HS6ST3: variants seen among roughly 807,000 people sequenced by gnomAD.
HS6ST3 encodes the protein heparan-sulfate 6-O-sulfotransferase 3.
A neutral mutation model predicts 36.7 loss-of-function variants in HS6ST3; 12 were observed. That is an observed-to-expected ratio of 0.33 (90% confidence interval 0.21 to 0.53). HS6ST3 has a LOEUF of 0.53. HS6ST3 is among the 20% of genes least tolerant of loss of function. HS6ST3 has a pLI of 0.95. For missense variants in HS6ST3, 584 were observed against 640.9 expected (o/e 0.91, Z 0.96); for synonymous variants, 240 against 257.5 (o/e 0.93, Z 0.65).
At chr13:96,316,248 T>C (rs2054968769) in intron 1 of HS6ST3, among the ~76,000 whole-genome samples, 1 of 145,872 alleles carries the variant, frequency 6.9e-6, no homozygotes, top group South Asian at 2.2e-4. Context: ...ACACATGCAC[T>C]ACATACACCT....
chr13:96,360,745 G>A (rs1428720227), intron 1 of HS6ST3, among the ~76,000 whole-genome samples: 1 of 151,454 alleles, frequency 6.6e-6, no homozygotes, highest in African/African-American at 2.4e-5. Flanking sequence ...TCAGGAGTTT[G>A]AGACCAGCCA....
chr13:96,284,264 A>G (rs936722470), intron 1 of HS6ST3, among the ~76,000 whole-genome samples: 3 of 152,106 alleles, frequency 2.0e-5, no homozygotes, highest in Admixed American at 2.0e-4. Context: ...AGGAGTATTG[A>G]CTCACACAAT....
intron 1 of HS6ST3, among the ~76,000 whole-genome samples, chr13:96,421,258 A>G (rs1353845409): frequency 1.3e-5 from 2 of 152,178 alleles, no homozygotes; most frequent in Non-Finnish European, 2.9e-5. Flanking sequence ...TATCTTTAGT[A>G]CCACAGTTAA....
At chr13:96,366,905 G>A (rs191627113) in intron 1 of HS6ST3, among the ~76,000 whole-genome samples, 1 of 152,074 alleles carries the variant, frequency 6.6e-6, no homozygotes, top group South Asian at 2.1e-4. Context: ...TTTTATAAAG[G>A]GGATTTCCCC....
chr13:96,430,360 A>G (rs1162910199), intron 1 of HS6ST3, among the ~76,000 whole-genome samples: 2 of 152,098 alleles, frequency 1.3e-5, no homozygotes, highest in African/African-American at 2.4e-5. Context: ...TAGTAGGTGA[A>G]CGCCCTCCCT....
intron 1 of HS6ST3, among the ~76,000 whole-genome samples, chr13:96,710,810 C>T (rs1271382549): frequency 1.3e-5 from 2 of 152,218 alleles, no homozygotes; most frequent in East Asian, 3.9e-4. Context: ...TTTCTGTGAG[C>T]AGAGAGGTGA....
At chr13:96,759,501 T>C (rs1034257030) in intron 1 of HS6ST3, among the ~76,000 whole-genome samples, 8 of 151,920 alleles carry the variant, frequency 5.3e-5, no homozygotes, top group African/African-American at 1.7e-4. Flanking sequence ...AATAAACTTA[T>C]TATGATCTAC....
At position 96,833,568 on chromosome 13, in the gene HS6ST3, T is replaced by G. The variant is rs1878857314; in HGVS notation, c.*370T>G. 5.0e-6 allele frequency: 1 copy of G among 198,720 alleles called. No individual in the cohort carries two copies. The highest frequency in any genetic ancestry group is 5.2e-5 in the Admixed American group (1 of 19,176). 12.3% of individuals were successfully genotyped at this position (198,720 alleles called of 1,614,324 possible). A position where few individuals can be genotyped will look rare whatever the true frequency, so the allele number is the denominator to read the frequency against. ...ACACATGAAAAGCCAAATTATGGCT[T>G]GGATGTTCTGCTGAAACTGGTCTAT... On this transcript the variant is annotated 3_prime_UTR_variant, in exon 2 of 2. Transcript: ENST00000376705.
intron 1 of HS6ST3, among the ~76,000 whole-genome samples, chr13:96,694,665 A>C (rs1566431500): frequency 6.6e-6 from 1 of 152,280 alleles, no homozygotes; most frequent in East Asian, 1.9e-4. Flanking sequence ...CAAGTGTATA[A>C]GTGTTCCTAT....
chr13:96,326,571 C>T (rs1278773593), intron 1 of HS6ST3, among the ~76,000 whole-genome samples: 1 of 152,082 alleles, frequency 6.6e-6, no homozygotes, highest in Non-Finnish European at 1.5e-5. Flanking sequence ...TTGATGCAGT[C>T]TATCACTGTT....
intron 1 of HS6ST3, among the ~76,000 whole-genome samples, chr13:96,418,210 G>T (rs1243546727): frequency 1.3e-5 from 2 of 152,190 alleles, no homozygotes; most frequent in Admixed American, 1.3e-4. Context: ...ACACTTGTTT[G>T]CAGCATGAGA....
chr13:96,548,246 C>T (rs2056204971), intron 1 of HS6ST3, among the ~76,000 whole-genome samples: 1 of 152,116 alleles, frequency 6.6e-6, no homozygotes, highest in African/African-American at 2.4e-5. Flanking sequence ...GACTCTTCCT[C>T]CTTCAGTAGG....
At chr13:96,315,706 G>T (rs1219737858) in intron 1 of HS6ST3, among the ~76,000 whole-genome samples, 1 of 151,976 alleles carries the variant, frequency 6.6e-6, no homozygotes, top group Non-Finnish European at 1.5e-5. Flanking sequence ...AGGACTGTTT[G>T]TGTTAATCAT....
At chr13:96,612,605 C>T (rs903703281) in intron 1 of HS6ST3, among the ~76,000 whole-genome samples, 3 of 152,258 alleles carry the variant, frequency 2.0e-5, no homozygotes, top group Middle Eastern at 3.4e-3. Flanking sequence ...ATCACTACTT[C>T]AAGGGTGATT....
At chr13:96,128,332 G>T (rs1431833939) in intron 1 of HS6ST3, among the ~76,000 whole-genome samples, 3 of 152,294 alleles carry the variant, frequency 2.0e-5, no homozygotes, top group Non-Finnish European at 4.4e-5. Context: ...AGAAGGCAAA[G>T]ATTTGCCGAT....
chr13:96,819,553 C>T (rs544742928), intron 1 of HS6ST3, among the ~76,000 whole-genome samples: 86 of 152,228 alleles, frequency 5.6e-4, no homozygotes, highest in African/African-American at 1.7e-3. Flanking sequence ...CAAAATAAGA[C>T]GGTGTTGGGT....
At chr13:96,213,231 A>G (rs193120877) in intron 1 of HS6ST3, among the ~76,000 whole-genome samples, 185 of 152,306 alleles carry the variant, frequency 1.2e-3, no homozygotes, top group African/African-American at 4.0e-3. Context: ...TGTAGTTTTC[A>G]TAGAGTTTCT....
intron 1 of HS6ST3, among the ~76,000 whole-genome samples, chr13:96,563,790 T>C (rs546652996): frequency 1.3e-5 from 2 of 152,280 alleles, no homozygotes; most frequent in South Asian, 2.1e-4. Context: ...TCTATGTTGA[T>C]AGGTTTTTGG....
At chr13:96,694,725 G>A (rs1167835786) in intron 1 of HS6ST3, among the ~76,000 whole-genome samples, 1 of 152,022 alleles carries the variant, frequency 6.6e-6, no homozygotes, top group Admixed American at 6.6e-5. Flanking sequence ...TTTAATAATA[G>A]CCATTCTGAT....
Sources: gnomAD v4.1 joint callset for allele counts (sites outside exome capture counted in the v4.1 genomes callset) on GRCh38, gnomAD v4.1.1 for gene constraint, MANE v1.5 for transcripts, NCBI Gene and HGNC (gene_info 2026-07-23, HGNC 2026-07-21) for gene names.